FAT3: variants seen among roughly 807,000 people sequenced by gnomAD.
The protein encoded by FAT3 is FAT atypical cadherin 3.
FAT3 carries 95 observed loss-of-function variants against 310.2 expected under a neutral mutation model. The observed-to-expected ratio is 0.31, with a 90% CI of 0.26 to 0.36. FAT3 has a LOEUF of 0.36. Ranked by LOEUF, FAT3 falls within the 10% of genes least tolerant of loss-of-function variation. The pLI, the probability that FAT3 is intolerant of heterozygous loss-of-function variation, is 1.00. For synonymous variants in FAT3, 2,314 were observed against 2,192.9 expected, an observed-to-expected ratio of 1.06 and a Z score of -1.54; for missense variants, 5,408 against 5,715.6, an observed-to-expected ratio of 0.95 and a Z score of 1.74.
chr11:92,280,135 T>C (rs964910647), intron 1 of FAT3, among the ~76,000 whole-genome samples: 2 of 152,136 alleles, frequency 1.3e-5, no homozygotes, highest in African/African-American at 4.8e-5. Flanking sequence ...AGTGCTAAAG[T>C]GTCCTTCCAA....
intron 9 of FAT3, among the ~76,000 whole-genome samples, chr11:92,795,763 C>T (rs1947153901): frequency 6.6e-6 from 1 of 152,012 alleles, no homozygotes; most frequent in African/African-American, 2.4e-5. Flanking sequence ...TGAAAATTAG[C>T]CAGGTGTAGT....
intron 22 of FAT3, among the ~76,000 whole-genome samples, chr11:92,875,740 A>G (rs1246743623): frequency 6.6e-6 from 1 of 152,196 alleles, no homozygotes; most frequent in Non-Finnish European, 1.5e-5. Context: ...CAGCCACACC[A>G]CCATCTATGA....
chr11:92,722,694 A>T (rs1005647637), intron 4 of FAT3, among the ~76,000 whole-genome samples: 1 of 152,192 alleles, frequency 6.6e-6, no homozygotes, highest in African/African-American at 2.4e-5. Context: ...GCATTTCTCT[A>T]TATCTTCTGA....
At chr11:92,815,750 G>A (rs976548456) in intron 13 of FAT3, among the ~76,000 whole-genome samples, 1 of 152,146 alleles carries the variant, frequency 6.6e-6, no homozygotes, top group Non-Finnish European at 1.5e-5. Context: ...TAGCATAGAC[G>A]GTCAACAGTA....
At chr11:92,407,779 G>A (rs536932200) in intron 2 of FAT3, among the ~76,000 whole-genome samples, 10 of 152,148 alleles carry the variant, frequency 6.6e-5, no homozygotes, top group Admixed American at 5.9e-4. Flanking sequence ...CGGCTTGTAG[G>A]GTCCTTTATA....
In FAT3 at chr11:92,249,385, C is replaced by T. The variant is rs11019888; in HGVS notation, c.-18+24211C>T. Among the ~76,000 whole-genome samples the T allele has an allele frequency of 6.7e-3, 1,021 of 152,248 alleles. 2 individuals are homozygous for T. The highest frequency in any genetic ancestry group is 0.011 in the Non-Finnish European group (720 of 68,000). On this transcript the variant is annotated intron_variant, in intron 1 of 27. Transcript: ENST00000525166. ...AATCTGAAATATGTCTCTCACTCAT[C>T]AATCAGTGTTTATCAGAATTGGAGG... is the stretch of plus-strand genomic sequence containing the variant.
chr11:92,882,585 TCC>T (rs58520864), intron 23 of FAT3, among the ~76,000 whole-genome samples, 151 bp from the exon 24 acceptor site: 1 of 93,170 alleles, frequency 1.1e-5, no homozygotes, highest in Admixed American at 1.1e-4. Flanking sequence ...TAACTCCCCC[TCC>T]CCCCCCCCAC....
chr11:92,521,804 C>T (rs548814953), intron 2 of FAT3, among the ~76,000 whole-genome samples: 32 of 152,290 alleles, frequency 2.1e-4, no homozygotes, highest in Admixed American at 1.9e-3. Flanking sequence ...ACAGATCTCA[C>T]AGCACATTAT....
intron 2 of FAT3, among the ~76,000 whole-genome samples, chr11:92,490,322 C>T (rs562141796): frequency 2.6e-5 from 4 of 152,190 alleles, no homozygotes; most frequent in Admixed American, 1.3e-4. Flanking sequence ...CTTTGTTCTG[C>T]ATTTAAAATA....
intron 2 of FAT3, among the ~76,000 whole-genome samples, chr11:92,432,843 T>C (rs1950824305): frequency 6.6e-6 from 1 of 152,182 alleles, no homozygotes; most frequent in South Asian, 2.1e-4. Context: ...TAGCTGCCCC[T>C]TTCCTCAGGT....
At chr11:92,524,171 A>G (rs1953775990) in intron 2 of FAT3, among the ~76,000 whole-genome samples, 1 of 152,206 alleles carries the variant, frequency 6.6e-6, no homozygotes, top group Non-Finnish European at 1.5e-5. Flanking sequence ...CTTTCTGTAA[A>G]TGAACAGATA....
At chr11:92,478,407 C>G (rs1952104556) in intron 2 of FAT3, among the ~76,000 whole-genome samples, 1 of 152,116 alleles carries the variant, frequency 6.6e-6, no homozygotes, top group South Asian at 2.1e-4. Flanking sequence ...CCATCTCTTT[C>G]TTCCAGTTTT....
At chr11:92,427,302 A>G (rs1289925081) in intron 2 of FAT3, among the ~76,000 whole-genome samples, 1 of 152,134 alleles carries the variant, frequency 6.6e-6, no homozygotes, top group Admixed American at 6.5e-5. Context: ...TAAATATACA[A>G]TCCTGTCATC....
intron 1 of FAT3, among the ~76,000 whole-genome samples, chr11:92,229,496 T>G (rs1864069138): frequency 1.1e-5 from 1 of 95,096 alleles, no homozygotes; most frequent in Admixed American, 1.3e-4. Flanking sequence ...TTTCGTGTTT[T>G]TTTTTTTTTT....
chr11:92,596,736 G>A (rs1289096951), intron 3 of FAT3, among the ~76,000 whole-genome samples: 13 of 152,270 alleles, frequency 8.5e-5, no homozygotes, highest in Middle Eastern at 3.4e-3. Context: ...GGCAGACACC[G>A]TCTATCATAG....
At chr11:92,563,613 C>T (rs889061737) in intron 3 of FAT3, among the ~76,000 whole-genome samples, 20 of 152,020 alleles carry the variant, frequency 1.3e-4, no homozygotes, top group Admixed American at 9.8e-4. Context: ...GAATTTCTCT[C>T]GACTTATCCT....
chr11:92,817,948 C>T (rs190141146), intron 13 of FAT3, among the ~76,000 whole-genome samples: 41 of 152,218 alleles, frequency 2.7e-4, no homozygotes, highest in South Asian at 2.1e-4. Flanking sequence ...GAAATGTGGA[C>T]GAGATGCTGC....
intron 4 of FAT3, among the ~76,000 whole-genome samples, chr11:92,708,873 G>A (rs917597029): frequency 6.6e-5 from 10 of 152,344 alleles, no homozygotes; most frequent in African/African-American, 2.2e-4. Flanking sequence ...AAACATGTAA[G>A]TTGCAATAGC....
intron 1 of FAT3, among the ~76,000 whole-genome samples, chr11:92,233,934 T>A (rs1864300835): frequency 6.6e-6 from 1 of 152,210 alleles, no homozygotes; most frequent in Non-Finnish European, 1.5e-5. Context: ...TTTTGTTAAA[T>A]AGGTAGTATT....
Sources: allele counts gnomAD v4.1 joint callset (sites outside exome capture counted in the v4.1 genomes callset), GRCh38; gene constraint gnomAD v4.1.1; transcripts MANE v1.5; gene names NCBI Gene and HGNC (gene_info 2026-07-23, HGNC 2026-07-21).